Variants in SYNE1 observed in about 807,000 individuals in gnomAD.
SYNE1 encodes the protein nesprin-1.
SYNE1 carries 616 observed loss-of-function variants against 1,111.0 expected under a neutral mutation model. The observed-to-expected ratio is 0.55, with a 90% confidence interval of 0.52 to 0.59. SYNE1 has a LOEUF of 0.59. SYNE1 is among the 20% of genes least tolerant of loss of function. SYNE1 has a pLI of 0.00. For synonymous variants in SYNE1, 3,855 were observed against 3,825.8 expected, an observed-to-expected ratio of 1.01 and a Z score of -0.28; for missense variants, 10,006 against 10,417.0, an observed-to-expected ratio of 0.96 and a Z score of 1.72.
intron 98 of SYNE1, chr6:152,277,750 A>G: frequency 2.8e-6 from 1 of 355,372 alleles, no homozygotes; most frequent in Non-Finnish European, 5.4e-6. Flanking sequence ...AGCTTATCTC[A>G]TTCCTCTATA....
intron 124 of SYNE1, among the ~76,000 whole-genome samples, chr6:152,210,034 A>T (rs1372862730): frequency 6.6e-6 from 1 of 152,146 alleles, no homozygotes; most frequent in Non-Finnish European, 1.5e-5. Context: ...GTCCCAAACT[A>T]CCTGCCAGCA....
At chr6:152,580,794 C>T (rs1363726733) in intron 3 of SYNE1, among the ~76,000 whole-genome samples, 1 of 152,130 alleles carries the variant, frequency 6.6e-6, no homozygotes, top group Non-Finnish European at 1.5e-5. Flanking sequence ...TAAGCCATTC[C>T]TACTGAGCCC....
intron 3 of SYNE1, among the ~76,000 whole-genome samples, chr6:152,541,156 GATA>G (rs891746760): frequency 2.6e-5 from 4 of 152,226 alleles, no homozygotes; most frequent in African/African-American, 4.8e-5. Flanking sequence ...GGTATAAAGA[GATA>G]ATAATGATGT....
intron 140 of SYNE1, among the ~76,000 whole-genome samples, chr6:152,137,838 T>C (rs966191021): frequency 1.3e-5 from 2 of 152,204 alleles, no homozygotes; most frequent in African/African-American, 4.8e-5. Context: ...TACTTGATTA[T>C]TCCACAGATT....
At chr6:152,587,299 C>T (rs1161747844) in intron 3 of SYNE1, among the ~76,000 whole-genome samples, 1 of 152,080 alleles carries the variant, frequency 6.6e-6, no homozygotes, top group African/African-American at 2.4e-5. Flanking sequence ...AACATCCTTC[C>T]TTATCATCTT....
At chr6:152,251,872 TA>T (rs2089400323) in intron 104 of SYNE1, among the ~76,000 whole-genome samples, 1 of 86,852 alleles carries the variant, frequency 1.2e-5, no homozygotes, top group Admixed American at 1.6e-4. Flanking sequence ...AAACATAAAA[TA>T]CATCACTTTT....
chr6:152,502,670 T>G lies in SYNE1; in HGVS notation c.851A>C (p.Asp284Ala). Residue 284 changes from aspartate to alanine, a missense_variant, in exon 10 of 146, where the codon GAC becomes GCC. Asp to Ala is a moderately radical substitution (Grantham distance 126). Coordinates refer to ENST00000367255, the MANE Select transcript of SYNE1 (RefSeq NM_182961.4). ...CCCATCAGTGCTTGCATTGTGGATG[T>G]CAGGATAATGTTTCAGAAACTGGGC... ...YVAQFLKHYP[D>A]IHNASTDGQE... 6.2e-7 allele frequency: 1 copy of G among 1,613,974 alleles called. No individual in the cohort carries two copies. Among genetic ancestry groups the G allele is most frequent in the Non-Finnish European group, 8.5e-7 (1 of 1,179,926 alleles).
At chr6:152,206,444 T>C (rs2076525614) in intron 125 of SYNE1, 82 bp from the exon 126 acceptor site, 1 of 1,488,974 alleles carries the variant, frequency 6.7e-7, no homozygotes, top group African/African-American at 1.4e-5. Flanking sequence ...TGGCCCTAAC[T>C]TTTGCCCTCT....
At chr6:152,599,992 T>A (rs1037079102) in intron 3 of SYNE1, among the ~76,000 whole-genome samples, 1 of 152,174 alleles carries the variant, frequency 6.6e-6, no homozygotes, top group African/African-American at 2.4e-5. Context: ...CAAAAAATAA[T>A]GTGAGACCTG....
intron 13 of SYNE1, among the ~76,000 whole-genome samples, chr6:152,483,890 G>C (rs2098924077): frequency 8.0e-6 from 1 of 125,582 alleles, no homozygotes; most frequent in Admixed American, 7.6e-5. Context: ...GGAGTCACTA[G>C]AAAAAATGAG....
chr6:152,167,686 G>T (rs755208554), intron 130 of SYNE1: 1 of 481,366 alleles, frequency 2.1e-6, no homozygotes, highest in South Asian at 1.6e-5. Context: ...TTTCATGAAA[G>T]GAAAGCTTTC....
intron 87 of SYNE1, among the ~76,000 whole-genome samples, chr6:152,314,919 G>GTC (rs2095663497): frequency 1.6e-5 from 2 of 127,804 alleles, no homozygotes; most frequent in African/African-American, 2.8e-5. Flanking sequence ...TCACTGCAAT[G>GTC]ATGACGAGGT....
chr6:152,472,736 T>C (rs888520240), intron 14 of SYNE1: 3 of 656,754 alleles, frequency 4.6e-6, no homozygotes, highest in African/African-American at 1.8e-5. Context: ...ATGATTTTAG[T>C]ATTTTTTGCC....
chr6:152,509,839 G>A lies in SYNE1; in HGVS notation c.581+354C>T, dbSNP rs114406955. ...ATAATAGTCTCATGAAGAGATAACC[G>A]AGTTTAAACTTCAAGTTTATTTATA... On this transcript the variant is annotated intron_variant, in intron 8 of 145. Coordinates refer to ENST00000367255, the MANE Select transcript of SYNE1 (RefSeq NM_182961.4). Among the ~76,000 whole-genome samples, 894 of 152,188 alleles carry A rather than the reference G, an allele frequency of 5.9e-3. 16 individuals carry two copies. Among genetic ancestry groups the A allele is most frequent in the African/African-American group, 0.02 (850 of 41,538 alleles).
At chr6:152,233,061 G>A (rs536228765) in intron 112 of SYNE1, among the ~76,000 whole-genome samples, 26 of 152,304 alleles carry the variant, frequency 1.7e-4, no homozygotes, top group African/African-American at 5.5e-4. Context: ...GGAGGTGGGT[G>A]TATTTTCAGA....
intron 35 of SYNE1, 81 bp downstream of exon 35, chr6:152,430,401 T>C: frequency 7.6e-7 from 1 of 1,318,064 alleles, no homozygotes; most frequent in Non-Finnish European, 1.1e-6. Flanking sequence ...CTTATTCCAC[T>C]ATTTGTAAAG....
intron 25 of SYNE1, among the ~76,000 whole-genome samples, chr6:152,452,724 G>C (rs2154252995): frequency 6.6e-6 from 1 of 152,308 alleles, no homozygotes; most frequent in South Asian, 2.1e-4. Flanking sequence ...GGTCTCCACT[G>C]TGCTGCAGCT....
chr6:152,352,121 G>T lies in SYNE1; in HGVS notation c.11486C>A (p.Thr3829Lys). 1 of 1,614,216 alleles carries T rather than the reference G, an allele frequency of 6.2e-7. No homozygotes were observed. The highest frequency in any genetic ancestry group is 8.5e-7 in the Non-Finnish European group (1 of 1,180,038). Residue 3829 changes from threonine (T) to lysine (K), a missense_variant, in exon 70 of 146, where the codon ACA becomes AAA. Physicochemically the swap from Thr to Lys is moderately conservative, Grantham distance 78. Transcript: ENST00000367255. ...KEFSDKCKALTQWIAEYQEIL... is the reference protein window; with the variant it reads ...KEFSDKCKALKQWIAEYQEIL... ...TTCCTGGTATTCTGCTATCCACTGT[G>T]TCAGTGCTTTGCATTTATCTGAGAA...
chr6:152,154,926 T>C lies in SYNE1; in HGVS notation c.24095A>G (p.Tyr8032Cys), dbSNP rs2152942154. Residue 8032 changes from tyrosine (Y) to cysteine (C), a missense_variant, in exon 133 of 146, where the codon TAT (tyrosine) becomes TGT (cysteine). By Grantham distance (194) the Tyr-to-Cys change is radical. Coordinates refer to ENST00000367255, the MANE Select transcript of SYNE1 (RefSeq NM_182961.4). ...CTTTAGTTCTTCCTTGGCAACTGTATAGATCACCCCAGAAGAGCTGGGAAA... is the reference window on the plus strand; with the variant it reads ...CTTTAGTTCTTCCTTGGCAACTGTACAGATCACCCCAGAAGAGCTGGGAAA... ...AAFPSSSGVIYTVAKEELKKF... is the reference protein window; with the variant it reads ...AAFPSSSGVICTVAKEELKKF... 1 of 1,614,200 alleles carries C rather than the reference T, an allele frequency of 6.2e-7. No homozygotes were observed. Among genetic ancestry groups the C allele is most frequent in the South Asian group, 1.1e-5 (1 of 91,086 alleles).
Sources: allele counts gnomAD v4.1 joint callset (sites outside exome capture counted in the v4.1 genomes callset), GRCh38; gene constraint gnomAD v4.1.1; transcripts MANE v1.5; gene names NCBI Gene and HGNC (gene_info 2026-07-23, HGNC 2026-07-21).